ZFHX3: variants seen among roughly 807,000 people sequenced by gnomAD.
ZFHX3 encodes the protein zinc finger homeobox protein 3.
Under a neutral mutation model 279.1 loss-of-function variants are expected in ZFHX3, and 42 were observed. The ratio of observed to expected loss-of-function variants is 0.15; its 90% CI spans 0.12 to 0.19. ZFHX3 has a LOEUF of 0.19. ZFHX3 is among the 10% of genes least tolerant of loss of function. The pLI, the probability that ZFHX3 is intolerant of heterozygous loss-of-function variation, is 1.00. For missense variants in ZFHX3, 4,981 were observed against 4,754.0 expected (o/e 1.05, Z -1.40); for synonymous variants, 2,293 against 1,957.8 (o/e 1.17, Z -4.52).
At chr16:72,977,526 T>C (rs1188215796) in intron 1 of ZFHX3, among the ~76,000 whole-genome samples, 1 of 152,142 alleles carries the variant, frequency 6.6e-6, no homozygotes, top group African/African-American at 2.4e-5. Context: ...CTTAGAAGTC[T>C]ATGTACAACC....
chr16:73,408,109 G>GT (rs397718193), intron 3 of ZFHX3, among the ~76,000 whole-genome samples: 54,366 of 141,490 alleles, frequency 0.38, 10,807 homozygotes, highest in African/African-American at 0.5. Flanking sequence ...TGTGAAACTT[G>GT]TTTTTTTTTT....
intron 3 of ZFHX3, among the ~76,000 whole-genome samples, chr16:73,428,422 T>C (rs1043858565): frequency 7.2e-5 from 11 of 152,092 alleles, no homozygotes; most frequent in Admixed American, 7.2e-4. Flanking sequence ...CCTGACAATC[T>C]TATTACCACA....
At chr16:73,294,647 C>T (rs1296855220) in intron 4 of ZFHX3, among the ~76,000 whole-genome samples, 2 of 151,902 alleles carry the variant, frequency 1.3e-5, no homozygotes, top group East Asian at 3.9e-4. Context: ...CCTGTCTCTA[C>T]TAAAAATACA....
intron 1 of ZFHX3, among the ~76,000 whole-genome samples, chr16:73,801,085 G>T (rs578132356): frequency 1.3e-5 from 2 of 152,290 alleles, no homozygotes; most frequent in South Asian, 4.1e-4. Context: ...TAATAAAAGA[G>T]AAGTTGGAAC....
At chr16:72,788,997 C>G (rs973958951) in intron 9 of ZFHX3, 149 bp from the exon 10 acceptor site, 12 of 1,216,926 alleles carry the variant, frequency 9.9e-6, no homozygotes, top group Non-Finnish European at 1.3e-5. Context: ...CAGAAGTATC[C>G]CACCAGGCTC....
intron 2 of ZFHX3, among the ~76,000 whole-genome samples, chr16:73,514,658 G>A (rs1015176258): frequency 6.6e-6 from 1 of 152,134 alleles, no homozygotes; most frequent in Non-Finnish European, 1.5e-5. Flanking sequence ...TACAAGTGAC[G>A]AGCTGAAGCT....
At chr16:73,399,897 G>A (rs1049873344) in intron 3 of ZFHX3, among the ~76,000 whole-genome samples, 2 of 151,552 alleles carry the variant, frequency 1.3e-5, no homozygotes, top group African/African-American at 4.9e-5. Flanking sequence ...CCCAGAGGCT[G>A]GGCTTAAGAA....
intron 2 of ZFHX3, among the ~76,000 whole-genome samples, chr16:73,524,777 C>T (rs1317927610): frequency 1.3e-5 from 2 of 152,220 alleles, no homozygotes; most frequent in Admixed American, 1.3e-4. Context: ...TGGTATTCTG[C>T]TCTTCTGCCT....
intron 1 of ZFHX3, among the ~76,000 whole-genome samples, chr16:73,872,488 G>T (rs949184458): frequency 7.2e-5 from 11 of 151,912 alleles, no homozygotes; most frequent in Admixed American, 2.6e-4. Context: ...GCCTGCCTCA[G>T]CCTCCCAAAT....
intron 4 of ZFHX3, among the ~76,000 whole-genome samples, chr16:73,310,063 C>A (rs2015289628): frequency 6.6e-6 from 1 of 151,964 alleles, no homozygotes; most frequent in Non-Finnish European, 1.5e-5. Context: ...TGCCCACCAC[C>A]ACGCCTGGCT....
intron 3 of ZFHX3, among the ~76,000 whole-genome samples, chr16:72,902,445 C>A (rs974527082): frequency 6.6e-6 from 1 of 152,188 alleles, no homozygotes; most frequent in African/African-American, 2.4e-5. Context: ...GGCTTCCTCG[C>A]ATGGCCCTGA....
intron 5 of ZFHX3, among the ~76,000 whole-genome samples, chr16:73,167,148 T>G (rs1460332931): frequency 6.6e-6 from 1 of 152,204 alleles, no homozygotes; most frequent in Non-Finnish European, 1.5e-5. Context: ...ATTGCAAAAT[T>G]GGGGAAAAGA....
At chr16:73,095,489 C>A (rs1966149479) in intron 7 of ZFHX3, among the ~76,000 whole-genome samples, 1 of 152,202 alleles carries the variant, frequency 6.6e-6, no homozygotes. Context: ...AACCTTTCGA[C>A]AACTGGCATG....
intron 7 of ZFHX3, among the ~76,000 whole-genome samples, chr16:73,117,419 T>C (rs1485935550): frequency 6.6e-6 from 1 of 152,194 alleles, no homozygotes; most frequent in African/African-American, 2.4e-5. Flanking sequence ...ATTTGAAAAC[T>C]AGTAGACAGG....
intron 1 of ZFHX3, among the ~76,000 whole-genome samples, chr16:73,871,024 T>C (rs60623896): frequency 0.075 from 11,424 of 152,216 alleles, 1,100 homozygotes; most frequent in African/African-American, 0.22. Context: ...GAGCTGTAGA[T>C]TGCAAGGAAG....
At chr16:72,901,799 G>A (rs534993283) in intron 3 of ZFHX3, among the ~76,000 whole-genome samples, 15 of 152,308 alleles carry the variant, frequency 9.8e-5, no homozygotes, top group East Asian at 9.7e-4. Flanking sequence ...GCCACGTGGC[G>A]AGAGGGCCAC....
At chr16:73,744,425 C>G (rs16972447) in intron 1 of ZFHX3, among the ~76,000 whole-genome samples, 3,331 of 152,282 alleles carry the variant, frequency 0.022, 120 homozygotes, top group African/African-American at 0.077. Flanking sequence ...AGAAGTGGAG[C>G]TTTCAATTAT....
chr16:73,103,305 TC>T (rs1253326439), intron 7 of ZFHX3, among the ~76,000 whole-genome samples: 1 of 152,078 alleles, frequency 6.6e-6, no homozygotes, highest in African/African-American at 2.4e-5. Flanking sequence ...TATCTCAGGT[TC>T]CCAGCCTTGT....
intron 3 of ZFHX3, among the ~76,000 whole-genome samples, chr16:72,935,710 G>T (rs1359225349): frequency 6.6e-6 from 1 of 151,190 alleles, no homozygotes; most frequent in Non-Finnish European, 1.5e-5. Context: ...CTCCAGCCTG[G>T]GCGACAGAGT....
Sources: allele counts gnomAD v4.1 joint callset (sites outside exome capture counted in the v4.1 genomes callset), GRCh38; gene constraint gnomAD v4.1.1; transcripts MANE v1.5; gene names NCBI Gene and HGNC (gene_info 2026-07-23, HGNC 2026-07-21).